Variants in ZNF780B observed in about 807,000 individuals in gnomAD.
The protein encoded by ZNF780B is zinc finger protein 780B, also known as zinc finger protein 779.
Under a neutral mutation model 74.1 loss-of-function variants are expected in ZNF780B, and 52 were observed. The observed-to-expected ratio is 0.70, with a 90% CI of 0.56 to 0.88. The LOEUF is 0.88. ZNF780B is among the 40% of genes least tolerant of loss of function. The probability of loss-of-function intolerance (pLI) is 0.00; values close to 1 mark genes in which losing one functional copy is unlikely to be tolerated. For missense variants in ZNF780B, 953 were observed against 1,007.6 expected, an observed-to-expected ratio of 0.95 and a Z score of 0.73; for synonymous variants, 315 against 324.3, an observed-to-expected ratio of 0.97 and a Z score of 0.31.
intron 4 of ZNF780B, 110 bp from the exon 5 acceptor site, chr19:40,036,736 G>A: frequency 1.5e-6 from 1 of 680,778 alleles, no homozygotes; most frequent in Non-Finnish European, 2.3e-6. Context: ...TCAGGGAAGG[G>A]ATCTGAAAAA....
At chr19:40,041,035 G>A (rs1405768700) in intron 4 of ZNF780B, among the ~76,000 whole-genome samples, 5 of 152,160 alleles carry the variant, frequency 3.3e-5, no homozygotes, top group Non-Finnish European at 5.9e-5. Flanking sequence ...TTTCTCTTGT[G>A]AGCATTTAGT....
rs1353231707 is a variant in ZNF780B, at chr19:40,031,795, A to T, written c.*2562T>A. On this transcript the variant is annotated 3_prime_UTR_variant, in exon 5 of 5. Coordinates refer to ENST00000434248, the MANE Select transcript of ZNF780B (RefSeq NM_001005851.3). ...TCAATTTTCATTTTGTATTCAATCC[A>T]GGGCTTAAGTACACGTGACTATAAC... The T allele has an allele frequency of 3.9e-6, 1 of 254,984 alleles. No homozygotes were observed. 15.8% of individuals were successfully genotyped at this position (254,984 alleles called of 1,614,324 possible). A position where few individuals can be genotyped will look rare whatever the true frequency, so the allele number is the denominator to read the frequency against.
At position 40,035,284 on chromosome 19, in the gene ZNF780B, A is replaced by C. The variant is rs754042703; in HGVS notation, c.1575T>G (p.Gly525=). ...ACTCCTTACATTCATAGGGCTTCTC[A>C]CCAGTGTGAATACTCTGATGTTGAA... ...NLVQHQSIHT[G]EKPYECKECG... The change falls in exon 5 of 5, where the codon GGT becomes GGG. Residue 525 remains glycine, a synonymous_variant. Transcript: ENST00000434248. 1.9e-5 allele frequency: 30 copies of C among 1,613,990 alleles called. No homozygotes were observed. The highest frequency in any genetic ancestry group is 2.5e-5 in the Non-Finnish European group (29 of 1,180,006).
rs752677629 is a variant in ZNF780B at position 40,035,169 on chromosome 19, T to C, written c.1690A>G (p.Lys564Glu). The C allele has an allele frequency of 1.9e-6, 3 of 1,614,206 alleles. No individual in the cohort carries two copies. The highest frequency in any genetic ancestry group is 1.1e-5 in the South Asian group (1 of 91,086). ...EKPFECKECG[K>E]FFRRGSNLNQ... ...AGATTTGAACCACGACGAAAGAATT[T>C]CCCACATTCCTTACATTCAAAGGGT... The change falls in exon 5 of 5, where the codon AAA becomes GAA. Residue 564 changes from lysine (K) to glutamate (E), a missense_variant. Physicochemically the swap from Lys to Glu is moderately conservative, Grantham distance 56. Coordinates refer to ENST00000434248, the MANE Select transcript of ZNF780B (RefSeq NM_001005851.3).
intron 4 of ZNF780B, among the ~76,000 whole-genome samples, chr19:40,037,072 G>A (rs1333002741): frequency 2.0e-5 from 3 of 152,010 alleles, no homozygotes; most frequent in Non-Finnish European, 4.4e-5. Context: ...CTGCCACCGT[G>A]CCTGGCTAAT....
In ZNF780B at chr19:40,041,495, T is replaced by G. The variant is rs140687600; in HGVS notation, c.233-4869A>C. 3.0e-3 allele frequency among the ~76,000 whole-genome samples: 457 copies of G among 152,330 alleles called. 1 individual carries two copies. The highest frequency in any genetic ancestry group is 8.9e-3 in the African/African-American group (370 of 41,568). On this transcript the variant is annotated intron_variant, in intron 4 of 4. Coordinates refer to ENST00000434248, the MANE Select transcript of ZNF780B (RefSeq NM_001005851.3). ...TCTGTCTCGTTGATCTGTCTGATGT[T>G]GACAGTGGGGTGTTAAAGTCTCCCA... is the stretch of plus-strand genomic sequence containing the variant.
At position 40,034,217 on chromosome 19, in the gene ZNF780B, T is replaced by C; in HGVS notation, c.*140A>G. 1 of 730,928 alleles carries C rather than the reference T, an allele frequency of 1.4e-6. No individual in the cohort carries two copies. Among genetic ancestry groups the C allele is most frequent in the Non-Finnish European group, 2.3e-6 (1 of 435,292 alleles). 45.3% of individuals were successfully genotyped at this position (730,928 alleles called of 1,614,324 possible). On this transcript the variant is annotated 3_prime_UTR_variant, in exon 5 of 5. Coordinates refer to ENST00000434248, the MANE Select transcript of ZNF780B (RefSeq NM_001005851.3). The stretch of plus-strand genomic sequence containing the variant: ...CACCAGTATGAATTCTCTGATGTAC[T>C]CTAAGGTTTCTACCACTGGTAAAGC...
chr19:40,048,597 C>A, intron 3 of ZNF780B, 73 bp downstream of exon 3: 1 of 1,609,424 alleles, frequency 6.2e-7, no homozygotes, highest in Non-Finnish European at 8.5e-7. Flanking sequence ...AAAAGACAGC[C>A]CTGAAACTCA....
chr19:40,035,770 G>A lies in ZNF780B; in HGVS notation c.1089C>T (p.Cys363=), dbSNP rs1474757097. 6.2e-7 allele frequency: 1 copy of A among 1,613,466 alleles called. No individual in the cohort carries two copies. Among genetic ancestry groups the A allele is most frequent in the East Asian group, 2.2e-5 (1 of 44,738 alleles). ...KIHMGEKPFE[C]RECGKAFSLL... is the part of the protein sequence containing the mutation. ...GACTAAAGGCCTTCCCGCATTCCCTGCATTCAAAGGGCTTCTCACCCATAT... is the reference window on the plus strand; with the variant it reads ...GACTAAAGGCCTTCCCGCATTCCCTACATTCAAAGGGCTTCTCACCCATAT... The change falls in exon 5 of 5, where the codon TGC becomes TGT. Residue 363 remains cysteine, a synonymous_variant. Transcript: ENST00000434248.
At position 40,035,133 on chromosome 19, in the gene ZNF780B, G is replaced by C; in HGVS notation, c.1726C>G (p.Arg576Gly). Residue 576 changes from arginine (R) to glycine (G), a missense_variant, in exon 5 of 5, where the codon CGA (arginine) becomes GGA (glycine). By Grantham distance (125) the Arg-to-Gly change is moderately radical. Coordinates refer to ENST00000434248, the MANE Select transcript of ZNF780B (RefSeq NM_001005851.3). Reference sequence around the variant, plus strand: ...GGTTTCTTTCCGGTATGAATACTTCGATGTTGATTAAGATTTGAACCACGA... The same window carrying C: ...GGTTTCTTTCCGGTATGAATACTTCCATGTTGATTAAGATTTGAACCACGA... ...FRRGSNLNQH[R>G]SIHTGKKPFE... 1.2e-6 allele frequency: 2 copies of C among 1,613,334 alleles called. No homozygotes were observed. Among genetic ancestry groups the C allele is most frequent in the Non-Finnish European group, 1.7e-6 (2 of 1,179,604 alleles).
chr19:40,044,035 G>A (rs1309561524), intron 4 of ZNF780B, among the ~76,000 whole-genome samples: 1 of 152,068 alleles, frequency 6.6e-6, no homozygotes, highest in Non-Finnish European at 1.5e-5. Flanking sequence ...GTTCCTATTC[G>A]GCCATCTTGG....
intron 3 of ZNF780B, 38 bp downstream of exon 3, chr19:40,048,632 A>G (rs1482115351): frequency 1.2e-6 from 2 of 1,614,008 alleles, no homozygotes; most frequent in African/African-American, 1.3e-5. Context: ...GATATTCCAG[A>G]GAACAGATAC....
chr19:40,051,499 T>TA (rs1294677198), intron 1 of ZNF780B, among the ~76,000 whole-genome samples: 2 of 152,036 alleles, frequency 1.3e-5, no homozygotes, highest in Admixed American at 1.3e-4. Context: ...GTACAATTTC[T>TA]AAAAAAAATT....
Position 40,035,149 on chromosome 19 carries a change from T to A in ZNF780B, c.1710A>T (p.Ser570=). ...KECGKFFRRG[S]NLNQHRSIHT... ...GAATACTTCGATGTTGATTAAGATT[T>A]GAACCACGACGAAAGAATTTCCCAC... The change falls in exon 5 of 5, where the codon TCA becomes TCT. Residue 570 remains serine, a synonymous_variant. Transcript: ENST00000434248. 3 of 1,613,550 alleles carry A rather than the reference T, an allele frequency of 1.9e-6. No homozygotes were observed. Among genetic ancestry groups the A allele is most frequent in the Non-Finnish European group, 2.5e-6 (3 of 1,179,654 alleles).
intron 4 of ZNF780B, among the ~76,000 whole-genome samples, chr19:40,043,196 A>G (rs936517781): frequency 6.6e-6 from 1 of 152,252 alleles, no homozygotes; most frequent in Non-Finnish European, 1.5e-5. Flanking sequence ...GGGTATCAGC[A>G]GCAGTGGCTG....
intron 4 of ZNF780B, among the ~76,000 whole-genome samples, chr19:40,038,830 G>A (rs1223875221): frequency 6.6e-6 from 1 of 150,420 alleles, no homozygotes; most frequent in East Asian, 1.9e-4. Context: ...CAGATGAGTA[G>A]GTTGTGAAAA....
Position 40,036,249 on chromosome 19 carries a change from G to T in ZNF780B, c.610C>A (p.Leu204Ile). Residue 204 changes from leucine (L) to isoleucine (I), a missense_variant, in exon 5 of 5, where the codon CTT becomes ATT. Coordinates refer to ENST00000434248, the MANE Select transcript of ZNF780B (RefSeq NM_001005851.3). ...TGATGTCGAGTAAGTTGTATGTGAA[G>T]TTGAAAGGCTTTCCCACATTCTTTG... is the stretch of plus-strand genomic sequence containing the variant. ...KCKECGKAFQ[L>I]HIQLTRHQKF... The T allele has an allele frequency of 6.2e-7, 1 of 1,612,306 alleles. No individual in the cohort carries two copies. Among genetic ancestry groups the T allele is most frequent in the South Asian group, 1.1e-5 (1 of 90,594 alleles).
chr19:40,036,351 A>T lies in ZNF780B; in HGVS notation c.508T>A (p.Cys170Ser), dbSNP rs778448769. The change falls in exon 5 of 5, where the codon TGT (cysteine) becomes AGT (serine). Residue 170 changes from cysteine to serine, a missense_variant. By Grantham distance (112) the Cys-to-Ser change is moderately radical. Transcript: ENST00000434248. Reference sequence around the variant, plus strand: ...GAACCACAACTAAAGTATTTCCCACATTCCTTACATTCATATGGTTTATGT... The same window carrying T: ...GAACCACAACTAAAGTATTTCCCACTTTCCTTACATTCATATGGTTTATGT... ...NTHKPYECKE[C>S]GKYFSCGSNL... 2.5e-6 allele frequency: 4 copies of T among 1,613,710 alleles called. No homozygotes were observed. The highest frequency in any genetic ancestry group is 3.4e-6 in the Non-Finnish European group (4 of 1,179,924).
At chr19:40,047,881 G>A (rs74467282) in intron 3 of ZNF780B, among the ~76,000 whole-genome samples, 9,454 of 152,154 alleles carry the variant, frequency 0.062, 498 homozygotes, top group East Asian at 0.18. Flanking sequence ...GGTAATATAT[G>A]TAAAATACTT....
Sources: allele counts gnomAD v4.1 joint callset (sites outside exome capture counted in the v4.1 genomes callset), GRCh38; gene constraint gnomAD v4.1.1; transcripts MANE v1.5; gene names NCBI Gene and HGNC (gene_info 2026-07-23, HGNC 2026-07-21).